Variants in ALG12 observed in about 807,000 individuals in gnomAD.
The protein encoded by ALG12 is dol-P-Man:Man(7)GlcNAc(2)-PP-Dol alpha-1,6-mannosyltransferase.
Under a neutral mutation model 46.0 loss-of-function variants are expected in ALG12, and 36 were observed. That is an observed-to-expected ratio of 0.78 (90% CI 0.60 to 1.03). The LOEUF is 1.03. Ranked by LOEUF, ALG12 falls within the 50% of genes least tolerant of loss-of-function variation. ALG12 has a pLI of 0.00. For missense variants in ALG12, 599 were observed against 633.5 expected (o/e 0.95, Z 0.58); for synonymous variants, 326 against 291.6 (o/e 1.12, Z -1.20).
the ALG12 span, among the ~76,000 whole-genome samples, chr22:49,871,305 G>A: frequency 3.9e-5 from 6 of 151,904 alleles, no homozygotes; most frequent in Admixed American, 3.9e-4. Flanking sequence ...TGGCCAATGT[G>A]GTGAAACCCC....
chr22:49,908,582 A>G (rs1025722034), intron 6 of ALG12, among the ~76,000 whole-genome samples: 1 of 144,814 alleles, frequency 6.9e-6, no homozygotes, highest in African/African-American at 2.7e-5. Context: ...CGGGTGACAC[A>G]CATGTTGGGA....
chr22:49,888,009 C>T, the ALG12 span: 2 of 167,248 alleles, frequency 1.2e-5, no homozygotes, highest in African/African-American at 4.8e-5. Flanking sequence ...AGCTGTCTTT[C>T]AAAATGTGTG....
the ALG12 span, among the ~76,000 whole-genome samples, chr22:49,871,576 A>G: frequency 6.6e-6 from 1 of 152,098 alleles, no homozygotes; most frequent in African/African-American, 2.4e-5. Context: ...CTTGATTTTT[A>G]AAAAGCTTGT....
At chr22:49,885,272 A>C in the ALG12 span, 1 of 1,596,814 alleles carries the variant, frequency 6.3e-7, no homozygotes, top group Non-Finnish European at 8.6e-7. Context: ...TCCTCTTCCA[A>C]ATTGACTGAC....
the ALG12 span, chr22:49,884,917 G>A: frequency 6.2e-7 from 1 of 1,603,020 alleles, no homozygotes; most frequent in African/African-American, 1.3e-5. Context: ...ATCTTCCGAT[G>A]ACATAGGGGA....
chr22:49,908,334 C>T (rs1479354761), intron 6 of ALG12, among the ~76,000 whole-genome samples: 1 of 128,738 alleles, frequency 7.8e-6, no homozygotes, highest in African/African-American at 2.5e-5. Context: ...TCGAGACCAT[C>T]CTGGCCAACA....
chr22:49,909,569 C>T (rs2060563451), intron 5 of ALG12, among the ~76,000 whole-genome samples: 1 of 151,844 alleles, frequency 6.6e-6, no homozygotes, highest in Non-Finnish European at 1.5e-5. Context: ...ATCTCTAAAA[C>T]AAAAAAAGAA....
chr22:49,867,863 C>T, the ALG12 span, among the ~76,000 whole-genome samples: 1 of 152,240 alleles, frequency 6.6e-6, no homozygotes, highest in Non-Finnish European at 1.5e-5. Context: ...TCCAGCCCCC[C>T]TCAAATGTGC....
the ALG12 span, chr22:49,887,424 A>T: frequency 2.5e-6 from 1 of 392,410 alleles, no homozygotes; most frequent in South Asian, 8.2e-5. Flanking sequence ...AAATATGGTG[A>T]CTAGATTTTA....
downstream of ALG12, among the ~76,000 whole-genome samples, chr22:49,897,939 G>A (rs964408072): frequency 1.3e-5 from 2 of 152,020 alleles, no homozygotes; most frequent in African/African-American, 4.8e-5. Context: ...GATTACAGGC[G>A]TGAGCCACCA....
the ALG12 span, among the ~76,000 whole-genome samples, chr22:49,866,237 G>A: frequency 6.6e-6 from 1 of 152,090 alleles, no homozygotes; most frequent in Non-Finnish European, 1.5e-5. Flanking sequence ...TTCTAATTCA[G>A]GAAAGGTTTT....
In ALG12 at chr22:49,902,343, GTGTGGTGTGTA is replaced by G; in HGVS notation, c.*1484_*1494del. On this transcript the variant is annotated 3_prime_UTR_variant, in exon 10 of 10. Transcript: ENST00000330817. ...ATGGTAATGTGCACGTGTGCACTGT[GTGTGGTGTGTA>G]TGCATGGTGTGTGCACGTGTGCACG... 1 of 142,074 alleles carries G rather than the reference GTGTGGTGTGTA, an allele frequency of 7.0e-6. No homozygotes were observed. Among genetic ancestry groups the G allele is most frequent in the Non-Finnish European group, 1.5e-5 (1 of 65,728 alleles). The allele number at this position is 142,074 out of a possible 1,614,324, so 8.8% of individuals were successfully genotyped here.
intron 5 of ALG12, among the ~76,000 whole-genome samples, 159 bp from the exon 6 acceptor site, chr22:49,909,506 C>CAGTGGGCCATGA (rs773586190): frequency 2.6e-5 from 4 of 152,082 alleles, no homozygotes; most frequent in African/African-American, 4.8e-5. Flanking sequence ...TTCAAGGTTG[C>CAGTGGGCCATGA]AGTGGGCCAT....
rs751915470 is a variant in ALG12 at position 49,907,902 on chromosome 22, C to T, written c.811G>A (p.Gly271Ser). 165 of 1,613,428 alleles carry T rather than the reference C, an allele frequency of 1.0e-4. 1 individual carries two copies. The highest frequency in any genetic ancestry group is 1.2e-4 in the South Asian group (11 of 91,082). ...LWYFYSALPR[G>S]LGCSLLFIPL... is the part of the protein sequence containing the mutation. ...ATGAAGAGCAGGCTGCAGCCCAGGC[C>T]GCGGGGCAGGGCTGAGTAGAAGTAC... is the stretch of plus-strand genomic sequence containing the variant. Residue 271 changes from glycine to serine, a missense_variant, in exon 7 of 10, where the codon GGC (glycine) becomes AGC (serine). Coordinates refer to ENST00000330817, the MANE Select transcript of ALG12 (RefSeq NM_024105.4).
the ALG12 span, among the ~76,000 whole-genome samples, chr22:49,872,808 G>A: frequency 4.0e-5 from 6 of 151,728 alleles, no homozygotes; most frequent in East Asian, 3.9e-4. Context: ...AGGTTCAAGC[G>A]AATTCTCCTG....
Position 49,906,544 on chromosome 22 carries a change from T to TG in ALG12, c.992+1176dup, listed in dbSNP as rs1371143755. On this transcript the variant is annotated intron_variant, in intron 7 of 9. Coordinates refer to ENST00000330817, the MANE Select transcript of ALG12 (RefSeq NM_024105.4). The surrounding 1 kb of genome is among the most constrained non-coding windows in gnomAD (Gnocchi z 4.4). ...GAGGGCAGTGCGGGGCAGTCGGAGC[T>TG]GGGGGGCACCATCCCCTCCCCTGTA... is the stretch of plus-strand genomic sequence containing the variant. Among the ~76,000 whole-genome samples the TG allele has an allele frequency of 2.6e-5, 4 of 152,072 alleles. No individual in the cohort carries two copies. The highest frequency in any genetic ancestry group is 5.9e-5 in the Non-Finnish European group (4 of 67,992).
At chr22:49,890,316 CCAA>C in the ALG12 span, among the ~76,000 whole-genome samples, 1 of 152,146 alleles carries the variant, frequency 6.6e-6, no homozygotes, top group Non-Finnish European at 1.5e-5. Flanking sequence ...CTTAAAACCA[CCAA>C]CAATGACAAC....
At chr22:49,915,321 G>A (rs1432234668) in intron 1 of ALG12, among the ~76,000 whole-genome samples, 1 of 152,172 alleles carries the variant, frequency 6.6e-6, no homozygotes, top group Non-Finnish European at 1.5e-5. Context: ...CTCTTCGGGA[G>A]GCTGAGGTGG....
intron 1 of ALG12, among the ~76,000 whole-genome samples, chr22:49,916,267 A>T (rs9616205): frequency 0.28 from 41,492 of 150,122 alleles, 6,975 homozygotes; most frequent in African/African-American, 0.48. Context: ...ATAAATAAAT[A>T]AATTAATTAA....
Sources: gnomAD v4.1 joint callset for allele counts (sites outside exome capture counted in the v4.1 genomes callset) on GRCh38, gnomAD v4.1.1 for gene constraint, Gnocchi (gnomAD v3.1) non-coding constraint, MANE v1.5 for transcripts, NCBI Gene and HGNC (gene_info 2026-07-23, HGNC 2026-07-21) for gene names.